Variants in ESRRG observed in about 807,000 individuals in gnomAD.
ESRRG encodes estrogen-related receptor gamma.
A neutral mutation model predicts 44.0 loss-of-function variants in ESRRG; 13 were observed. The observed-to-expected ratio is 0.30, with a 90% CI of 0.19 to 0.47. The LOEUF is 0.47. Among genes scored for constraint, ESRRG ranks in the 20% least tolerant of loss-of-function variants. The pLI is 1.00. For synonymous variants in ESRRG, 215 were observed against 214.6 expected (o/e 1.00, Z -0.02); for missense variants, 395 against 580.6 (o/e 0.68, Z 3.29).
intron 1 of ESRRG, among the ~76,000 whole-genome samples, chr1:217,137,068 G>T (rs772048466): frequency 2.0e-5 from 3 of 152,272 alleles, no homozygotes; most frequent in East Asian, 1.9e-4. Context: ...TAGTAGCTGG[G>T]GGGGAGGGAG....
At chr1:216,835,940 G>A (rs2095557638) in intron 2 of ESRRG, among the ~76,000 whole-genome samples, 2 of 151,908 alleles carry the variant, frequency 1.3e-5, no homozygotes, top group African/African-American at 2.4e-5. Flanking sequence ...AAATCATGTG[G>A]CCCTAGTTCG....
intron 2 of ESRRG, chr1:216,863,734 C>T (rs1199937118): frequency 2.0e-5 from 3 of 152,140 alleles, no homozygotes; most frequent in Admixed American, 6.5e-5. Context: ...CTCTGCAACA[C>T]TTTTTGTCCT....
intron 1 of ESRRG, among the ~76,000 whole-genome samples, chr1:217,010,723 A>C (rs894579821): frequency 4.6e-5 from 7 of 152,196 alleles, no homozygotes; most frequent in Admixed American, 1.3e-4. Flanking sequence ...AAGCTATAGA[A>C]TGACTATCTG....
chr1:216,902,360 G>T (rs1391483500), intron 2 of ESRRG, among the ~76,000 whole-genome samples: 1 of 151,998 alleles, frequency 6.6e-6, no homozygotes, highest in Non-Finnish European at 1.5e-5. Flanking sequence ...GTGGTGGTGG[G>T]TGCCTATAAT....
intron 2 of ESRRG, among the ~76,000 whole-genome samples, chr1:216,805,862 A>G (rs1200555948): frequency 6.6e-6 from 1 of 152,178 alleles, no homozygotes; most frequent in Non-Finnish European, 1.5e-5. Flanking sequence ...GGAAATAAGT[A>G]CAGCCTCCCT....
chr1:216,560,363 G>T (rs915175577), intron 5 of ESRRG, among the ~76,000 whole-genome samples: 1 of 152,036 alleles, frequency 6.6e-6, no homozygotes, highest in African/African-American at 2.4e-5. Flanking sequence ...CTGAAGATTT[G>T]CCATATTAAT....
rs1479595279 is a variant in ESRRG, at chr1:216,723,307, C to T, written c.-8G>A. 1 of 1,613,868 alleles carries T rather than the reference C, an allele frequency of 6.2e-7. No homozygotes were observed. The highest frequency in any genetic ancestry group is 8.5e-7 in the Non-Finnish European group (1 of 1,179,870). On this transcript the variant is annotated 5_prime_UTR_variant, in exon 1 of 7. Coordinates refer to ENST00000408911, the MANE Select transcript of ESRRG (RefSeq NM_001438.4). ...AAGTTCTACCGAATCCATGTGCGAC[C>T]GGCAACCATTATTTGTGCACCCCAG...
chr1:216,755,264 C>A (rs574270245), intron 2 of ESRRG, among the ~76,000 whole-genome samples: 189 of 151,732 alleles, frequency 1.2e-3, no homozygotes, highest in African/African-American at 4.5e-3. Flanking sequence ...TCATTCCTCC[C>A]AGAGTGGTAG....
At chr1:216,915,121 C>A (rs1006659904) in intron 2 of ESRRG, among the ~76,000 whole-genome samples, 2 of 152,208 alleles carry the variant, frequency 1.3e-5, no homozygotes, top group African/African-American at 4.8e-5. Context: ...CTTCCATCTG[C>A]TGGATTTCCC....
intron 5 of ESRRG, among the ~76,000 whole-genome samples, chr1:216,563,508 A>G (rs1249508501): frequency 6.6e-6 from 1 of 152,212 alleles, no homozygotes; most frequent in Non-Finnish European, 1.5e-5. Context: ...AACATTGCTC[A>G]TCATTCAAAA....
intron 1 of ESRRG, among the ~76,000 whole-genome samples, chr1:217,137,231 G>A (rs543206228): frequency 2.0e-5 from 3 of 152,216 alleles, no homozygotes; most frequent in Non-Finnish European, 4.4e-5. Context: ...ATGTAGTGGC[G>A]TTGCTGACCC....
chr1:217,027,846 T>C (rs1000783932), intron 1 of ESRRG, among the ~76,000 whole-genome samples: 1 of 152,162 alleles, frequency 6.6e-6, no homozygotes, highest in African/African-American at 2.4e-5. Flanking sequence ...CTTTAGTGGT[T>C]AAATGAATAA....
chr1:216,783,195 A>G (rs1201307989), intron 2 of ESRRG, among the ~76,000 whole-genome samples: 1 of 152,014 alleles, frequency 6.6e-6, no homozygotes, highest in Non-Finnish European at 1.5e-5. Context: ...TTACCTGGTC[A>G]TAGGTCTCAA....
At chr1:217,039,049 G>GA (rs1345686908) in intron 1 of ESRRG, among the ~76,000 whole-genome samples, 5 of 151,676 alleles carry the variant, frequency 3.3e-5, no homozygotes, top group African/African-American at 9.8e-5. Context: ...TGCTAAAACA[G>GA]AAAAAGAGTC....
chr1:216,547,660 T>A (rs1005507498), intron 5 of ESRRG, among the ~76,000 whole-genome samples: 1 of 152,074 alleles, frequency 6.6e-6, no homozygotes, highest in Non-Finnish European at 1.5e-5. Flanking sequence ...TCTCATAGCA[T>A]AGTGATCAAT....
intron 2 of ESRRG, among the ~76,000 whole-genome samples, chr1:216,664,824 A>C (rs1359921716): frequency 6.6e-6 from 1 of 152,134 alleles, no homozygotes; most frequent in African/African-American, 2.4e-5. Flanking sequence ...TCTTCTAAGA[A>C]TTAAAAATAG....
intron 3 of ESRRG, among the ~76,000 whole-genome samples, chr1:216,634,674 A>G (rs1035593558): frequency 5.3e-5 from 8 of 152,148 alleles, no homozygotes; most frequent in African/African-American, 1.9e-4. Context: ...CAGCGAGCAG[A>G]CTGCCCAGGG....
chr1:216,796,516 T>C (rs926228890), intron 2 of ESRRG, among the ~76,000 whole-genome samples: 8 of 152,226 alleles, frequency 5.3e-5, no homozygotes, highest in African/African-American at 1.7e-4. Flanking sequence ...TGCCTCACTC[T>C]TAAATATGAA....
chr1:216,831,579 A>C (rs1126021), intron 2 of ESRRG, among the ~76,000 whole-genome samples: 62,082 of 151,828 alleles, frequency 0.41, 14,286 homozygotes, highest in Non-Finnish European at 0.51. Context: ...GAAGAGAAAG[A>C]GATTACTAAA....
Sources: gnomAD v4.1 joint callset for allele counts (sites outside exome capture counted in the v4.1 genomes callset) on GRCh38, gnomAD v4.1.1 for gene constraint, MANE v1.5 for transcripts, NCBI Gene and HGNC (gene_info 2026-07-23, HGNC 2026-07-21) for gene names.